GYPC: variants seen among roughly 807,000 people sequenced by gnomAD.
The protein encoded by GYPC is glycophorin C (Gerbich blood group).
A neutral mutation model predicts 12.6 loss-of-function variants in GYPC; 14 were observed. The ratio of observed to expected loss-of-function variants is 1.11; its 90% CI spans 0.74 to 1.74. The LOEUF (loss-of-function observed/expected upper bound fraction) is 1.74, where lower values mean the gene tolerates loss of function less well. Ranked by LOEUF, GYPC falls within the 40% of genes most tolerant of loss-of-function variation. The pLI, the probability that GYPC is intolerant of heterozygous loss-of-function variation, is 0.00. For missense variants in GYPC, 225 were observed against 172.1 expected, an observed-to-expected ratio of 1.31 and a Z score of -1.72; for synonymous variants, 78 against 62.1, an observed-to-expected ratio of 1.26 and a Z score of -1.20.
At chr2:126,685,845 C>T (rs946776171) in intron 1 of GYPC, 6 of 985,004 alleles carry the variant, frequency 6.1e-6, no homozygotes, top group African/African-American at 3.5e-5. Flanking sequence ...CCAAGGACCC[C>T]CATGAAACAC....
At chr2:126,686,090 A>G (rs1683281591) in intron 1 of GYPC, 6 of 985,342 alleles carry the variant, frequency 6.1e-6, no homozygotes, top group Non-Finnish European at 7.2e-6. Flanking sequence ...CGGGAAATGT[A>G]AAGACCAGCC....
Position 126,689,033 on chromosome 2 carries a change from G to A in GYPC, c.50-1222G>A, listed in dbSNP as rs547775414. Among the ~76,000 whole-genome samples, 15 of 152,306 alleles carry A rather than the reference G, an allele frequency of 9.8e-5. No homozygotes were observed. In the East Asian group the frequency reaches 2.3e-3, roughly 23 times the overall value. On this transcript the variant is annotated intron_variant, in intron 1 of 3. Coordinates refer to ENST00000259254, the MANE Select transcript of GYPC (RefSeq NM_002101.5). Reference sequence around the variant, plus strand: ...GAAGGCATTCTGTGCAGCAGCTCTAGGAAACATCAGGTCCCCAATGTCCTA... The same window carrying A: ...GAAGGCATTCTGTGCAGCAGCTCTAAGAAACATCAGGTCCCCAATGTCCTA...
At chr2:126,662,688 A>G (rs1481468549) in intron 1 of GYPC, among the ~76,000 whole-genome samples, 3 of 152,168 alleles carry the variant, frequency 2.0e-5, no homozygotes, top group African/African-American at 7.2e-5. Flanking sequence ...GGCTCTGCAA[A>G]TTCTACGGCT....
At chr2:126,694,642 G>T (rs910227905) in intron 3 of GYPC, among the ~76,000 whole-genome samples, 2 of 152,164 alleles carry the variant, frequency 1.3e-5, no homozygotes, top group African/African-American at 4.8e-5. Context: ...ATTCTTCCTA[G>T]ATGATATTAT....
At chr2:126,688,861 T>A (rs912729734) in intron 1 of GYPC, among the ~76,000 whole-genome samples, 4 of 152,150 alleles carry the variant, frequency 2.6e-5, no homozygotes, top group African/African-American at 9.7e-5. Flanking sequence ...ATTAAAGTGA[T>A]CATCTGAGTG....
At chr2:126,666,264 G>GC (rs1238700615) in intron 1 of GYPC, among the ~76,000 whole-genome samples, 3 of 152,090 alleles carry the variant, frequency 2.0e-5, no homozygotes, top group Non-Finnish European at 4.4e-5. Flanking sequence ...AGAGAATAAT[G>GC]CCCCCACCAA....
At chr2:126,687,076 C>T (rs966814953) in intron 1 of GYPC, among the ~76,000 whole-genome samples, 20 of 152,218 alleles carry the variant, frequency 1.3e-4, no homozygotes, top group African/African-American at 3.1e-4. Flanking sequence ...TAAGGGAGTG[C>T]GCCAAGGGGG....
chr2:126,685,669 C>A (rs913367517), intron 1 of GYPC, among the ~76,000 whole-genome samples: 1 of 152,210 alleles, frequency 6.6e-6, no homozygotes, highest in Non-Finnish European at 1.5e-5. Flanking sequence ...AGGCATGAGC[C>A]ACTGCACCCG....
At chr2:126,665,010 T>C (rs1401643682) in intron 1 of GYPC, among the ~76,000 whole-genome samples, 5 of 152,220 alleles carry the variant, frequency 3.3e-5, no homozygotes, top group Admixed American at 6.5e-5. Flanking sequence ...TCTATCTTTC[T>C]CTTACTCTTT....
intron 1 of GYPC, 77 bp downstream of exon 1, chr2:126,656,389 G>A: frequency 7.8e-7 from 1 of 1,275,394 alleles, no homozygotes; most frequent in Non-Finnish European, 1.1e-6. Flanking sequence ...GCCGAGCCAC[G>A]GCCACGGACG....
chr2:126,688,990 A>G (rs548249053), intron 1 of GYPC, among the ~76,000 whole-genome samples: 25 of 152,330 alleles, frequency 1.6e-4, no homozygotes, highest in African/African-American at 5.8e-4. Flanking sequence ...CTTCTTCACA[A>G]TCATCTCCCA....
intron 1 of GYPC, among the ~76,000 whole-genome samples, chr2:126,672,073 G>A (rs1286843918): frequency 1.3e-5 from 2 of 152,164 alleles, no homozygotes; most frequent in African/African-American, 4.8e-5. Flanking sequence ...AGGTGGCTGG[G>A]GGATGAGGGA....
In GYPC at chr2:126,696,040, G is replaced by A; in HGVS notation, c.285G>A (p.Glu95=). The change falls in exon 4 of 4, where the codon GAG becomes GAA. Residue 95 remains glutamate (E), a synonymous_variant. Coordinates refer to ENST00000259254, the MANE Select transcript of GYPC (RefSeq NM_002101.5). Reference sequence around the variant, plus strand: ...ACAAGGGCACGTACCACACCAATGAGGCCAAGGGCACGGAGTTTGCTGAGA... The same window carrying A: ...ACAAGGGCACGTACCACACCAATGAAGCCAAGGGCACGGAGTTTGCTGAGA... ...YRHKGTYHTN[E]AKGTEFAESA... 6.2e-7 allele frequency: 1 copy of A among 1,614,164 alleles called. No individual in the cohort carries two copies. Among genetic ancestry groups the A allele is most frequent in the Non-Finnish European group, 8.5e-7 (1 of 1,179,992 alleles).
At chr2:126,693,594 TGCAG>T (rs1683539558) in intron 2 of GYPC, among the ~76,000 whole-genome samples, 1 of 152,184 alleles carries the variant, frequency 6.6e-6, no homozygotes, top group Admixed American at 6.6e-5. Flanking sequence ...CCACTCTCAG[TGCAG>T]GCATTAGGCA....
At chr2:126,681,695 T>G (rs1683152686) in intron 1 of GYPC, among the ~76,000 whole-genome samples, 1 of 151,272 alleles carries the variant, frequency 6.6e-6, no homozygotes, top group Non-Finnish European at 1.5e-5. Flanking sequence ...CACCGGGTTT[T>G]ACATGTGAAG....
intron 3 of GYPC, among the ~76,000 whole-genome samples, chr2:126,695,276 G>T (rs28387228): frequency 2.8e-3 from 419 of 152,306 alleles, no homozygotes; most frequent in African/African-American, 9.7e-3. Flanking sequence ...TCCAAACAAG[G>T]TTCAGTCCTG....
At chr2:126,693,579 C>T (rs1364167604) in intron 2 of GYPC, among the ~76,000 whole-genome samples, 1 of 152,230 alleles carries the variant, frequency 6.6e-6, no homozygotes, top group Admixed American at 6.5e-5. Context: ...CTACCACGTG[C>T]AGCACCACTC....
intron 3 of GYPC, among the ~76,000 whole-genome samples, chr2:126,695,365 G>T (rs1333198794): frequency 6.6e-6 from 1 of 152,164 alleles, no homozygotes; most frequent in Admixed American, 6.5e-5. Context: ...AAAAGGGAGG[G>T]AAGGAAGGAG....
chr2:126,678,006 G>A (rs1274996891), intron 1 of GYPC, among the ~76,000 whole-genome samples: 2 of 152,200 alleles, frequency 1.3e-5, no homozygotes, highest in Non-Finnish European at 2.9e-5. Context: ...CGGATCACGA[G>A]GTCAGGAGAT....
Sources: gnomAD v4.1 joint callset for allele counts (sites outside exome capture counted in the v4.1 genomes callset) on GRCh38, gnomAD v4.1.1 for gene constraint, MANE v1.5 for transcripts, NCBI Gene and HGNC (gene_info 2026-07-23, HGNC 2026-07-21) for gene names.